The following EDIL3 variants were observed in gnomAD, a reference collection of about 807,000 sequenced individuals.
The protein encoded by EDIL3 is EGF like and discoidin domains 3.
In EDIL3, 37 loss-of-function variants were observed where a neutral mutation model predicts 67.4. That is an observed-to-expected ratio of 0.55 (90% CI 0.42 to 0.72). The LOEUF is 0.72. Among genes scored for constraint, EDIL3 ranks in the 30% least tolerant of loss-of-function variants. EDIL3 has a pLI of 0.00. For missense variants in EDIL3, 527 were observed against 586.3 expected (o/e 0.90, Z 1.04); for synonymous variants, 195 against 196.3 (o/e 0.99, Z 0.05).
chr5:84,218,458 G>A (rs887072287), intron 3 of EDIL3, among the ~76,000 whole-genome samples: 5 of 152,202 alleles, frequency 3.3e-5, no homozygotes, highest in African/African-American at 1.2e-4. Flanking sequence ...GGCAGAGCCA[G>A]GTGGCTGAAT....
At chr5:84,013,015 G>A (rs906390716) in intron 9 of EDIL3, among the ~76,000 whole-genome samples, 7 of 151,602 alleles carry the variant, frequency 4.6e-5, no homozygotes, top group African/African-American at 1.2e-4. Context: ...TAAACATATC[G>A]CTGGCAGATT....
intron 5 of EDIL3, among the ~76,000 whole-genome samples, chr5:84,127,673 T>C (rs1004472596): frequency 1.3e-5 from 2 of 152,164 alleles, no homozygotes; most frequent in Non-Finnish European, 2.9e-5. Context: ...GGAAACACTC[T>C]TTTCCTTGCT....
intron 1 of EDIL3, among the ~76,000 whole-genome samples, chr5:84,343,168 G>A (rs1433259901): frequency 6.6e-6 from 1 of 151,654 alleles, no homozygotes; most frequent in Non-Finnish European, 1.5e-5. Context: ...TTTAAACTTG[G>A]ACCATCTAAG....
intron 6 of EDIL3, among the ~76,000 whole-genome samples, chr5:84,082,144 G>A (rs1318069886): frequency 1.1e-4 from 16 of 152,190 alleles, no homozygotes; most frequent in South Asian, 6.2e-4. Flanking sequence ...TTTGCAGCAT[G>A]CAAATAACAA....
chr5:84,201,495 GT>G (rs928932969), intron 3 of EDIL3, among the ~76,000 whole-genome samples: 9 of 152,036 alleles, frequency 5.9e-5, no homozygotes, highest in African/African-American at 1.2e-4. Flanking sequence ...GACTTCATCT[GT>G]TTTTCTGGGT....
At chr5:84,156,624 A>G (rs188550428) in intron 4 of EDIL3, among the ~76,000 whole-genome samples, 1 of 152,338 alleles carries the variant, frequency 6.6e-6, no homozygotes, top group East Asian at 1.9e-4. Context: ...TTAAAAGGCT[A>G]AGTTTAAATG....
intron 1 of EDIL3, among the ~76,000 whole-genome samples, chr5:84,323,410 T>C (rs1220330080): frequency 6.6e-6 from 1 of 151,848 alleles, no homozygotes; most frequent in Non-Finnish European, 1.5e-5. Context: ...AGAGTAGCTA[T>C]AGAATATACA....
chr5:84,343,652 T>C (rs1421028996), intron 1 of EDIL3, among the ~76,000 whole-genome samples: 1 of 152,062 alleles, frequency 6.6e-6, no homozygotes, highest in Non-Finnish European at 1.5e-5. Context: ...TAAGGTATAC[T>C]TCTTATATAC....
chr5:84,319,491 C>CAAAAAAAAAA (rs1561255911), intron 1 of EDIL3, among the ~76,000 whole-genome samples: 2 of 3,942 alleles, frequency 5.1e-4, no homozygotes, highest in African/African-American at 1.1e-3. Context: ...AAACAAAAAA[C>CAAAAAAAAAA]AACAAAAAAA....
At chr5:84,278,260 T>C (rs1489314516) in intron 1 of EDIL3, among the ~76,000 whole-genome samples, 6 of 151,554 alleles carry the variant, frequency 4.0e-5, no homozygotes. Flanking sequence ...TATTCCTCTC[T>C]TGTGTTTCAC....
At chr5:84,085,120 A>C (rs2112262122) in intron 6 of EDIL3, among the ~76,000 whole-genome samples, 1 of 152,306 alleles carries the variant, frequency 6.6e-6, no homozygotes, top group Admixed American at 6.5e-5. Flanking sequence ...GTGGGTTAGA[A>C]CATGCTCCTT....
At chr5:84,231,377 AACT>A (rs1445090300) in intron 2 of EDIL3, among the ~76,000 whole-genome samples, 1 of 152,250 alleles carries the variant, frequency 6.6e-6, no homozygotes, top group Non-Finnish European at 1.5e-5. Context: ...CTCTGTACAG[AACT>A]GCAGTTTACC....
At chr5:84,017,175 C>G (rs139094209) in intron 9 of EDIL3, among the ~76,000 whole-genome samples, 95 of 152,276 alleles carry the variant, frequency 6.2e-4, no homozygotes, top group African/African-American at 2.2e-3. Context: ...CACATTCAAC[C>G]TAGTTCTATT....
At chr5:84,360,264 G>A (rs76820296) in intron 1 of EDIL3, among the ~76,000 whole-genome samples, 1,531 of 152,286 alleles carry the variant, frequency 0.01, 34 homozygotes, top group African/African-American at 0.035. Flanking sequence ...TGAGGTCAAA[G>A]AACAGGTATT....
At chr5:84,020,661 T>C (rs1745699286) in intron 9 of EDIL3, among the ~76,000 whole-genome samples, 2 of 151,988 alleles carry the variant, frequency 1.3e-5, no homozygotes, top group Admixed American at 1.3e-4. Flanking sequence ...AGATCTATTT[T>C]AGTGATTTAT....
At chr5:84,270,322 G>A (rs1322489429) in intron 1 of EDIL3, among the ~76,000 whole-genome samples, 1 of 152,096 alleles carries the variant, frequency 6.6e-6, no homozygotes, top group African/African-American at 2.4e-5. Flanking sequence ...CCTTAATGTA[G>A]CGAATACTAA....
chr5:84,133,363 C>A (rs1019202893), intron 5 of EDIL3, among the ~76,000 whole-genome samples: 3 of 150,390 alleles, frequency 2.0e-5, no homozygotes, highest in African/African-American at 7.4e-5. Context: ...TAGCTCATGC[C>A]TGTAATCCCA....
At chr5:84,080,877 A>C (rs1746953918) in intron 6 of EDIL3, among the ~76,000 whole-genome samples, 1 of 152,350 alleles carries the variant, frequency 6.6e-6, no homozygotes, top group Admixed American at 6.5e-5. Context: ...CTAACCAAAC[A>C]CTAGTTCTGA....
chr5:84,106,968 G>A (rs560115487), intron 5 of EDIL3, 138 bp from the exon 6 acceptor site: 2 of 920,732 alleles, frequency 2.2e-6, no homozygotes, highest in Admixed American at 3.1e-5. Flanking sequence ...CCCCTTTACA[G>A]ATCTGTTATC....
Sources: allele counts gnomAD v4.1 joint callset (sites outside exome capture counted in the v4.1 genomes callset), GRCh38; gene constraint gnomAD v4.1.1; transcripts MANE v1.5; gene names NCBI Gene and HGNC (gene_info 2026-07-23, HGNC 2026-07-21).